The following ANKRD6 variants were observed in gnomAD, a reference collection of about 807,000 sequenced individuals.
ANKRD6 encodes ankyrin repeat domain 6.
ANKRD6 carries 56 observed loss-of-function variants against 82.3 expected under a neutral mutation model. That is an observed-to-expected ratio of 0.68 (90% CI 0.55 to 0.85). The LOEUF is 0.85. Ranked by LOEUF, ANKRD6 falls within the 40% of genes least tolerant of loss-of-function variation. The pLI, the probability that ANKRD6 is intolerant of heterozygous loss-of-function variation, is 0.00. For missense variants in ANKRD6, 852 were observed against 907.6 expected, an observed-to-expected ratio of 0.94 and a Z score of 0.79; for synonymous variants, 347 against 352.1, an observed-to-expected ratio of 0.99 and a Z score of 0.16.
Position 89,631,161 on chromosome 6 carries a change from G to A in ANKRD6, c.*157G>A. The A allele has an allele frequency of 7.6e-7, 1 of 1,310,866 alleles. No individual in the cohort carries two copies. The highest frequency in any genetic ancestry group is 2.7e-5 in the East Asian group (1 of 37,688). The allele number at this position is 1,310,866 out of a possible 1,614,324, so 81.2% of individuals were successfully genotyped here. ...AATGTGCCAGATACATGTTTCCTAT[G>A]CCCAGGAAGTTATGAAGACTTCAAC... On this transcript the variant is annotated 3_prime_UTR_variant, in exon 16 of 16. Coordinates refer to ENST00000339746, the MANE Select transcript of ANKRD6 (RefSeq NM_001242809.2).
At chr6:89,466,542 T>C (rs1442743810) in intron 1 of ANKRD6, among the ~76,000 whole-genome samples, 1 of 152,236 alleles carries the variant, frequency 6.6e-6, no homozygotes, top group African/African-American at 2.4e-5. Context: ...TTATTCTTCT[T>C]TGATTATAAA....
chr6:89,435,897 C>T (rs1295010985), intron 1 of ANKRD6, among the ~76,000 whole-genome samples: 1 of 152,076 alleles, frequency 6.6e-6, no homozygotes, highest in Non-Finnish European at 1.5e-5. Flanking sequence ...GTGTTATTGT[C>T]TTTGTTTTAT....
rs191168479 is a variant in ANKRD6, at chr6:89,613,644, G to A, written c.517-148G>A. 57 of 725,146 alleles carry A rather than the reference G, an allele frequency of 7.9e-5. No homozygotes were observed. In the African/African-American group the frequency reaches 9.1e-4, roughly 12 times the overall value. The allele number at this position is 725,146 out of a possible 1,614,324, so 44.9% of individuals were successfully genotyped here. On this transcript the variant is annotated intron_variant, in intron 6 of 15. Coordinates refer to ENST00000339746, the MANE Select transcript of ANKRD6 (RefSeq NM_001242809.2). ...GCAGCAAAGAATGGCGAGCCTTGGG[G>A]TGGAGCATCTATGTTAAAAGAGCTG...
At chr6:89,514,258 A>T (rs1211781773) in intron 1 of ANKRD6, among the ~76,000 whole-genome samples, 2 of 152,114 alleles carry the variant, frequency 1.3e-5, no homozygotes, top group African/African-American at 4.8e-5. Context: ...TGTACCCGTA[A>T]TCCGAGCTAC....
chr6:89,571,809 A>G (rs1458538855), intron 2 of ANKRD6, among the ~76,000 whole-genome samples: 1 of 152,202 alleles, frequency 6.6e-6, no homozygotes, highest in East Asian at 1.9e-4. Flanking sequence ...ATTACGGCTT[A>G]TTCTTGTACA....
intron 2 of ANKRD6, among the ~76,000 whole-genome samples, chr6:89,582,457 C>T (rs564036087): frequency 6.6e-6 from 1 of 152,294 alleles, no homozygotes; most frequent in South Asian, 2.1e-4. Flanking sequence ...TCCCAAAGTG[C>T]TGAGATTACA....
chr6:89,448,183 C>G (rs1249466687), intron 1 of ANKRD6, among the ~76,000 whole-genome samples: 1 of 151,896 alleles, frequency 6.6e-6, no homozygotes, highest in Non-Finnish European at 1.5e-5. Flanking sequence ...ACCTGTAATC[C>G]CAGCATTTTA....
intron 1 of ANKRD6, among the ~76,000 whole-genome samples, chr6:89,467,100 A>G (rs776356516): frequency 2.6e-5 from 4 of 151,906 alleles, no homozygotes; most frequent in Non-Finnish European, 5.9e-5. Context: ...CTAGCTGTTC[A>G]GGAAGCTGAG....
chr6:89,436,132 T>A (rs1299603570), intron 1 of ANKRD6, among the ~76,000 whole-genome samples: 1 of 152,204 alleles, frequency 6.6e-6, no homozygotes, highest in Non-Finnish European at 1.5e-5. Flanking sequence ...AGAAGTTGTT[T>A]GAAAAAATAA....
chr6:89,617,371 G>T (rs1801851831), intron 8 of ANKRD6, among the ~76,000 whole-genome samples: 1 of 152,152 alleles, frequency 6.6e-6, no homozygotes, highest in African/African-American at 2.4e-5. Context: ...GCAGTTCCAT[G>T]ATGCCTTGAA....
chr6:89,629,450 T>C (rs992043917), intron 15 of ANKRD6: 3 of 649,694 alleles, frequency 4.6e-6, no homozygotes, highest in Non-Finnish European at 8.1e-6. Flanking sequence ...CTCAAACTTA[T>C]TTGAATAAAG....
At chr6:89,616,729 C>T (rs1801674635) in intron 8 of ANKRD6, 72 bp downstream of exon 8, 1 of 1,408,686 alleles carries the variant, frequency 7.1e-7, no homozygotes, top group Non-Finnish European at 1.0e-6. Context: ...GTACTAAACC[C>T]CTGCAGACCC....
chr6:89,487,404 A>G (rs570924375), intron 1 of ANKRD6, among the ~76,000 whole-genome samples: 13 of 152,292 alleles, frequency 8.5e-5, no homozygotes, highest in Admixed American at 3.3e-4. Flanking sequence ...TAAAATGTGG[A>G]ATTTCTGAGC....
intron 1 of ANKRD6, among the ~76,000 whole-genome samples, chr6:89,493,405 CTTTT>C (rs1263964140): frequency 6.6e-6 from 1 of 151,860 alleles, no homozygotes; most frequent in African/African-American, 2.4e-5. Flanking sequence ...TCTCCCTCTC[CTTTT>C]TTAATTTTTT....
At chr6:89,502,672 C>G (rs1424684669) in intron 1 of ANKRD6, among the ~76,000 whole-genome samples, 1 of 152,160 alleles carries the variant, frequency 6.6e-6, no homozygotes. Context: ...GCTTTCCTTA[C>G]CTGACGGGAC....
At chr6:89,461,967 C>T (rs7766287) in intron 1 of ANKRD6, among the ~76,000 whole-genome samples, 90 of 152,230 alleles carry the variant, frequency 5.9e-4, no homozygotes, top group African/African-American at 1.7e-3. Context: ...CACAGTGGCT[C>T]ACGCTTGTAA....
chr6:89,437,770 C>G (rs1770837020), intron 1 of ANKRD6, among the ~76,000 whole-genome samples: 1 of 152,112 alleles, frequency 6.6e-6, no homozygotes, highest in Admixed American at 6.6e-5. Context: ...ATAAGTAGGT[C>G]TCTACTCATT....
Position 89,504,701 on chromosome 6 carries a change from G to A in ANKRD6, c.-143-62133G>A, listed in dbSNP as rs868635863. On this transcript the variant is annotated intron_variant, in intron 1 of 15. Transcript: ENST00000339746. ...ATTATAAGTGTGAGCTACTCTGCCT[G>A]GCTGAAGGACGGTCTTGAAGTAAAG... is the stretch of plus-strand genomic sequence containing the variant. 7.2e-5 allele frequency among the ~76,000 whole-genome samples: 11 copies of A among 152,194 alleles called. 1 individual carries two copies. The South Asian group carries it at 1.0e-3, about 14-fold the overall frequency.
chr6:89,445,355 C>G (rs974648647), intron 1 of ANKRD6, among the ~76,000 whole-genome samples: 1 of 149,390 alleles, frequency 6.7e-6, no homozygotes, highest in Admixed American at 6.8e-5. Context: ...ACTGGAACCT[C>G]CACCTCCCAG....
Sources: gnomAD v4.1 joint callset for allele counts (sites outside exome capture counted in the v4.1 genomes callset) on GRCh38, gnomAD v4.1.1 for gene constraint, MANE v1.5 for transcripts, NCBI Gene and HGNC (gene_info 2026-07-23, HGNC 2026-07-21) for gene names.